Variants in FAM184B observed in about 807,000 individuals in gnomAD.
FAM184B encodes family with sequence similarity 184 member B.
In FAM184B, 111 loss-of-function variants were observed where a neutral mutation model predicts 135.9. That is an observed-to-expected ratio of 0.82 (90% CI 0.70 to 0.96). The LOEUF (loss-of-function observed/expected upper bound fraction) is 0.96. Ranked by LOEUF, FAM184B falls within the 40% of genes least tolerant of loss-of-function variation. FAM184B has a pLI of 0.00. For missense variants in FAM184B, 1,375 were observed against 1,323.9 expected (o/e 1.04, Z -0.60); for synonymous variants, 552 against 524.8 (o/e 1.05, Z -0.71).
In FAM184B at chr4:17,708,684, TATATATATATATATATATATATATA is replaced by T. The variant is rs1266814193; in HGVS notation, c.894+183_894+207del. ...AAAACTATATATATATATATATATA[TATATATATATATATATATATATATA>T]GTGTCTGTGTGTGTGTGTGTGTGTG... On this transcript the variant is annotated intron_variant, in intron 2 of 17. Coordinates refer to ENST00000265018, the MANE Select transcript of FAM184B (RefSeq NM_015688.2). 1.6e-4 allele frequency among the ~76,000 whole-genome samples: 7 copies of T among 43,234 alleles called. 1 individual carries two copies. Among genetic ancestry groups the T allele is most frequent in the African/African-American group, 4.0e-4 (4 of 10,030 alleles). The allele number at this position is 43,234 out of a possible 152,430, so 28.4% of individuals were successfully genotyped here.
rs1313076621 is a variant in FAM184B, at chr4:17,642,171, C to T, written c.2404G>A (p.Gly802Ser). Residue 802 changes from glycine (G) to serine (S), a missense_variant, in exon 13 of 18, where the codon GGC becomes AGC. Gly to Ser is a moderately conservative substitution (Grantham distance 56). Coordinates refer to ENST00000265018, the MANE Select transcript of FAM184B (RefSeq NM_015688.2). Reference sequence around the variant, plus strand: ...TCCTCCCAGAGCCCGCATCCCTCGCCGGAACCCTGCCCAGCAGCGCCCGGT... The same window carrying T: ...TCCTCCCAGAGCCCGCATCCCTCGCTGGAACCCTGCCCAGCAGCGCCCGGT... ...SPPGAAGQGS[G>S]EGCGLWEENA... 10 of 1,532,470 alleles carry T rather than the reference C, an allele frequency of 6.5e-6. 1 individual carries two copies. In the South Asian group the frequency reaches 7.2e-5, roughly 11 times the overall value. The allele number at this position is 1,532,470 out of a possible 1,614,324, so 94.9% of individuals were successfully genotyped here.
Position 17,647,656 on chromosome 4 carries a change from T to A in FAM184B, c.2327A>T (p.Asp776Val), listed in dbSNP as rs1249363819. 7.7e-6 allele frequency: 12 copies of A among 1,550,620 alleles called. No homozygotes were observed. The highest frequency in any genetic ancestry group is 9.6e-6 in the Non-Finnish European group (11 of 1,146,886). The stretch of plus-strand genomic sequence containing the variant: ...ACTGACCTCTGTGGCGATTATGTGA[T>A]CCTTGCTGTCTCCTGGACACTGGCT... ...ASSQCPGDSK[D>V]HIIATEERGG... Residue 776 changes from aspartate to valine, a missense_variant, in exon 12 of 18, where the codon GAT becomes GTT. Physicochemically the swap from Asp to Val is radical, Grantham distance 152 (BLOSUM62 -3). Coordinates refer to ENST00000265018, the MANE Select transcript of FAM184B (RefSeq NM_015688.2).
rs1183886643 is a variant in FAM184B, at chr4:17,630,021, A to G, written c.*2511T>C. 6.6e-6 allele frequency: 1 copy of G among 152,186 alleles called. No homozygotes were observed. The highest frequency in any genetic ancestry group is 1.5e-5 in the Non-Finnish European group (1 of 68,022). 9.4% of individuals were successfully genotyped at this position (152,186 alleles called of 1,614,324 possible). On this transcript the variant is annotated 3_prime_UTR_variant, in exon 18 of 18. Coordinates refer to ENST00000265018, the MANE Select transcript of FAM184B (RefSeq NM_015688.2). ...AAAGATATAATCATTGCAGGGTAGA[A>G]TTTAGAAATTTAAGACTGAAAGATC...
At chr4:17,707,585 A>G in intron 3 of FAM184B, 64 bp downstream of exon 3, 2 of 1,537,082 alleles carry the variant, frequency 1.3e-6, no homozygotes, top group Admixed American at 2.0e-5. Context: ...GGCTGCCAGT[A>G]GCACCAGACC....
At chr4:17,674,614 C>T (rs533154929) in intron 7 of FAM184B, among the ~76,000 whole-genome samples, 5 of 152,232 alleles carry the variant, frequency 3.3e-5, no homozygotes, top group African/African-American at 4.8e-5. Context: ...CTGTAGCATA[C>T]GATACTGTTT....
At chr4:17,657,241 G>C (rs931988139) in intron 10 of FAM184B, among the ~76,000 whole-genome samples, 3 of 152,166 alleles carry the variant, frequency 2.0e-5, no homozygotes, top group Admixed American at 2.0e-4. Flanking sequence ...AACACACAGT[G>C]CAATTTTCCA....
intron 5 of FAM184B, among the ~76,000 whole-genome samples, 170 bp from the exon 6 acceptor site, chr4:17,693,582 A>AG (rs1716786900): frequency 6.6e-6 from 1 of 152,224 alleles, no homozygotes; most frequent in Non-Finnish European, 1.5e-5. Flanking sequence ...ACACGTGTTA[A>AG]CGTCACAACA....
rs777630378 is a variant in FAM184B at position 17,688,491 on chromosome 4, C to T, written c.1529G>A (p.Arg510His). ...LEEFIQQNKT[R>H]PTGAEESPQE... Reference sequence around the variant, plus strand: ...GGGACTTTCCTCAGCTCCTGTGGGGCGTGTCTTATTTTGTTGGATAAATTC... The same window carrying T: ...GGGACTTTCCTCAGCTCCTGTGGGGTGTGTCTTATTTTGTTGGATAAATTC... Residue 510 changes from arginine (R) to histidine (H), a missense_variant, in exon 7 of 18, where the codon CGC becomes CAC. Transcript: ENST00000265018. 1.8e-5 allele frequency: 28 copies of T among 1,550,662 alleles called. No individual in the cohort carries two copies. In the Admixed American group the frequency reaches 2.6e-4, roughly 14 times the overall value.
intron 12 of FAM184B, among the ~76,000 whole-genome samples, chr4:17,645,651 C>CA (rs1715445616): frequency 1.3e-5 from 2 of 152,002 alleles, no homozygotes; most frequent in Admixed American, 6.6e-5. Context: ...CATTACCATT[C>CA]AGGACATAGG....
At chr4:17,745,468 A>C (rs1347619937) in intron 1 of FAM184B, among the ~76,000 whole-genome samples, 1 of 152,220 alleles carries the variant, frequency 6.6e-6, no homozygotes, top group African/African-American at 2.4e-5. Flanking sequence ...ATTTCTGCCC[A>C]ACACAAAACT....
chr4:17,750,162 C>G (rs1207900015), intron 1 of FAM184B, among the ~76,000 whole-genome samples: 10 of 152,340 alleles, frequency 6.6e-5, no homozygotes, highest in Non-Finnish European at 1.5e-4. Flanking sequence ...AGTCATCATA[C>G]ATATTGTAAA....
intron 1 of FAM184B, among the ~76,000 whole-genome samples, chr4:17,774,543 A>G (rs79229896): frequency 0.043 from 6,488 of 152,292 alleles, 427 homozygotes; most frequent in African/African-American, 0.15. Context: ...GAATGGATCT[A>G]GAACCTCTTC....
chr4:17,632,400 A>G lies in FAM184B; in HGVS notation c.*132T>C. On this transcript the variant is annotated 3_prime_UTR_variant, in exon 18 of 18. Transcript: ENST00000265018. ...GAACAGTATGAAGTGTTAACGCCAA[A>G]ATTTGTTTTAGCTATCATATATAAA... 1 of 717,496 alleles carries G rather than the reference A, an allele frequency of 1.4e-6. No homozygotes were observed. Among genetic ancestry groups the G allele is most frequent in the East Asian group, 3.0e-5 (1 of 33,830 alleles). 44.4% of individuals were successfully genotyped at this position (717,496 alleles called of 1,614,324 possible).
intron 1 of FAM184B, among the ~76,000 whole-genome samples, chr4:17,722,339 T>G: frequency 6.6e-6 from 1 of 152,194 alleles, no homozygotes; most frequent in East Asian, 1.9e-4. Context: ...CTGAGAGGCC[T>G]GGGGAGAGCA....
chr4:17,748,778 A>C (rs552685013), intron 1 of FAM184B, among the ~76,000 whole-genome samples: 4 of 151,826 alleles, frequency 2.6e-5, no homozygotes, highest in African/African-American at 9.7e-5. Flanking sequence ...TGGCCTCCCA[A>C]AGTGCTGGGA....
intron 14 of FAM184B, 143 bp from the exon 15 acceptor site, chr4:17,636,788 C>T: frequency 1.5e-6 from 1 of 666,862 alleles, no homozygotes; most frequent in Non-Finnish European, 2.5e-6. Context: ...TGCCCAGGGC[C>T]CCCTGGGGAG....
In FAM184B at chr4:17,677,048, A is replaced by G. The variant is rs950121326; in HGVS notation, c.1596+11376T>C. 4.6e-5 allele frequency among the ~76,000 whole-genome samples: 7 copies of G among 152,128 alleles called. No individual in the cohort carries two copies. In the South Asian group the frequency reaches 1.4e-3, roughly 32 times the overall value. On this transcript the variant is annotated intron_variant, in intron 7 of 17. Transcript: ENST00000265018. ...TGGGGATCAATAAATAGTTGGCTGA[A>G]TGAGTACTTTTTTTTTAGATAAGGT...
At chr4:17,657,652 GTTC>G (rs1393289663) in intron 10 of FAM184B, among the ~76,000 whole-genome samples, 1 of 86,062 alleles carries the variant, frequency 1.2e-5, no homozygotes, top group Non-Finnish European at 2.3e-5. Flanking sequence ...TGGCTGAGCT[GTTC>G]TTTTTTTTTT....
chr4:17,761,110 G>A (rs915441557), intron 1 of FAM184B, among the ~76,000 whole-genome samples: 5 of 152,158 alleles, frequency 3.3e-5, no homozygotes, highest in East Asian at 3.9e-4. Context: ...GGCCCAAAAC[G>A]TCAGTAGTGT....
Sources: allele counts gnomAD v4.1 joint callset (sites outside exome capture counted in the v4.1 genomes callset), GRCh38; gene constraint gnomAD v4.1.1; transcripts MANE v1.5; gene names NCBI Gene and HGNC (gene_info 2026-07-23, HGNC 2026-07-21).